Variants in GRM7 observed in about 807,000 individuals in gnomAD.
GRM7 encodes the protein metabotropic glutamate receptor 7.
GRM7 carries 35 observed loss-of-function variants against 84.5 expected under a neutral mutation model. The ratio of observed to expected loss-of-function variants is 0.41; its 90% CI spans 0.32 to 0.55. The LOEUF is 0.55. Ranked by LOEUF, GRM7 falls within the 20% of genes least tolerant of loss-of-function variation. The pLI, the probability that GRM7 is intolerant of heterozygous loss-of-function variation, is 0.19. For synonymous variants in GRM7, 487 were observed against 455.1 expected, an observed-to-expected ratio of 1.07 and a Z score of -0.89; for missense variants, 1,003 against 1,194.6, an observed-to-expected ratio of 0.84 and a Z score of 2.36.
At chr3:7,287,631 G>T (rs774897919) in intron 2 of GRM7, among the ~76,000 whole-genome samples, 7 of 152,218 alleles carry the variant, frequency 4.6e-5, no homozygotes, top group African/African-American at 7.2e-5. Context: ...GAAAAATGAT[G>T]AGAGTGACAC....
At chr3:7,141,290 C>T (rs1214429470) in intron 1 of GRM7, among the ~76,000 whole-genome samples, 1 of 151,752 alleles carries the variant, frequency 6.6e-6, no homozygotes, top group East Asian at 1.9e-4. Flanking sequence ...TAATAGATTC[C>T]TATATGGCAG....
chr3:6,956,322 G>A (rs1243273009), intron 1 of GRM7, among the ~76,000 whole-genome samples: 3 of 152,180 alleles, frequency 2.0e-5, no homozygotes, highest in East Asian at 1.9e-4. Flanking sequence ...GGTGTTAGTG[G>A]GGAGAGATGA....
intron 9 of GRM7, among the ~76,000 whole-genome samples, chr3:7,693,053 TCTAAAAATTTAAATA>T (rs904894039): frequency 6.6e-6 from 1 of 151,784 alleles, no homozygotes; most frequent in African/African-American, 2.4e-5. Context: ...TTTTTGATGG[TCTAAAAATTTAAATA>T]CTGTACTTCC....
chr3:7,143,048 C>T (rs1056180167), intron 1 of GRM7, among the ~76,000 whole-genome samples: 9 of 152,006 alleles, frequency 5.9e-5, no homozygotes, highest in Non-Finnish European at 1.0e-4. Context: ...CACTAAATTG[C>T]CTTTATCAAA....
At chr3:7,626,271 C>T (rs1346612003) in intron 8 of GRM7, among the ~76,000 whole-genome samples, 2 of 152,130 alleles carry the variant, frequency 1.3e-5, no homozygotes, top group Non-Finnish European at 2.9e-5. Flanking sequence ...CTAGAAATAG[C>T]AGTTCTATGG....
chr3:7,066,271 C>T (rs759336938), intron 1 of GRM7, among the ~76,000 whole-genome samples: 2 of 151,654 alleles, frequency 1.3e-5, no homozygotes, highest in Non-Finnish European at 2.9e-5. Context: ...ACTGATAGAC[C>T]ATTAGCAAGA....
chr3:7,105,940 T>A (rs934145975), intron 1 of GRM7, among the ~76,000 whole-genome samples: 17 of 151,856 alleles, frequency 1.1e-4, no homozygotes, highest in African/African-American at 4.1e-4. Flanking sequence ...CATTTGGAAT[T>A]TATATTGGTA....
chr3:7,568,978 G>A (rs1694495194), intron 7 of GRM7, among the ~76,000 whole-genome samples: 1 of 152,176 alleles, frequency 6.6e-6, no homozygotes, highest in African/African-American at 2.4e-5. Flanking sequence ...GAGGAGTGCG[G>A]GCGCACATTG....
chr3:7,046,873 G>T (rs1020567446), intron 1 of GRM7, among the ~76,000 whole-genome samples: 7 of 151,936 alleles, frequency 4.6e-5, no homozygotes, highest in Non-Finnish European at 1.0e-4. Flanking sequence ...TAAATTCTGG[G>T]GAGTCAAAGC....
intron 1 of GRM7, among the ~76,000 whole-genome samples, chr3:6,933,360 T>G: frequency 6.6e-6 from 1 of 152,224 alleles, no homozygotes; most frequent in East Asian, 1.9e-4. Flanking sequence ...TATCCAGGCT[T>G]AATTGGACTC....
chr3:7,158,161 A>G (rs1694513921), intron 2 of GRM7, among the ~76,000 whole-genome samples: 1 of 152,154 alleles, frequency 6.6e-6, no homozygotes. Context: ...AATAGGTAAG[A>G]GAATGCAAAG....
chr3:7,600,342 C>T (rs1054963884), intron 8 of GRM7, among the ~76,000 whole-genome samples: 1 of 152,042 alleles, frequency 6.6e-6, no homozygotes, highest in African/African-American at 2.4e-5. Flanking sequence ...ATAAAATTCT[C>T]ATTTTAGATC....
intron 4 of GRM7, among the ~76,000 whole-genome samples, chr3:7,320,550 T>A (rs750001021): frequency 6.6e-6 from 1 of 151,780 alleles, no homozygotes; most frequent in Non-Finnish European, 1.5e-5. Context: ...TGAGTGAGAG[T>A]TGTATAACAT....
rs1694290871 is a variant in GRM7, at chr3:7,151,627, A to G, written c.736+4959A>G. On this transcript the variant is annotated intron_variant, in intron 2 of 9. Transcript: ENST00000357716. This position sits in a 1 kb window ranked among gnomAD's most constrained non-coding sequence, Gnocchi z 4.5. ...GTTTCTATTATCTAAGATAATTCCT[A>G]GTACATAGAAAGCAGTCAATCATTA... Among the ~76,000 whole-genome samples the G allele has an allele frequency of 6.6e-6, 1 of 152,176 alleles. No individual in the cohort carries two copies. Among genetic ancestry groups the G allele is most frequent in the African/African-American group, 2.4e-5 (1 of 41,448 alleles).
intron 1 of GRM7, among the ~76,000 whole-genome samples, chr3:7,046,853 A>G (rs1040323376): frequency 6.6e-6 from 1 of 152,076 alleles, no homozygotes; most frequent in Non-Finnish European, 1.5e-5. Context: ...GCCATGAACT[A>G]TGTTCTAAAT....
In GRM7 at chr3:7,074,086, A is replaced by G. The variant is rs189971678; in HGVS notation, c.520-72366A>G. Among the ~76,000 whole-genome samples the G allele has an allele frequency of 6.1e-4, 93 of 152,342 alleles. No individual in the cohort carries two copies. In the Middle Eastern group the frequency reaches 0.014, roughly 22 times the overall value. ...GAGATATGAACAAGAATAAAATATTAATGTTTTTATATTAATAAGAGTAGC... is the reference window on the plus strand; with the variant it reads ...GAGATATGAACAAGAATAAAATATTGATGTTTTTATATTAATAAGAGTAGC... On this transcript the variant is annotated intron_variant, in intron 1 of 9. Coordinates refer to ENST00000357716, the MANE Select transcript of GRM7 (RefSeq NM_000844.4).
chr3:7,717,058 T>A (rs955593477), intron 9 of GRM7, among the ~76,000 whole-genome samples: 7 of 152,180 alleles, frequency 4.6e-5, no homozygotes, highest in African/African-American at 1.7e-4. Flanking sequence ...ACAAAGACTG[T>A]AAGTGTGGAA....
At chr3:7,359,323 C>A (rs1176247787) in intron 4 of GRM7, among the ~76,000 whole-genome samples, 1 of 134,684 alleles carries the variant, frequency 7.4e-6, no homozygotes, top group Non-Finnish European at 1.6e-5. Context: ...TCCTATTCAC[C>A]CCTCCTCCTC....
At chr3:7,293,034 CAAAAA>C (rs142561309) in intron 2 of GRM7, among the ~76,000 whole-genome samples, 1 of 120,614 alleles carries the variant, frequency 8.3e-6, no homozygotes. Context: ...GACTTGGTCT[CAAAAA>C]AAAAAAAAAA....
Sources: allele counts gnomAD v4.1 joint callset (sites outside exome capture counted in the v4.1 genomes callset), GRCh38; gene constraint gnomAD v4.1.1; non-coding constraint Gnocchi (gnomAD v3.1); transcripts MANE v1.5; gene names NCBI Gene and HGNC (gene_info 2026-07-23, HGNC 2026-07-21).